Variants in TNRC18 observed in about 807,000 individuals in gnomAD.
TNRC18 encodes the protein trinucleotide repeat-containing gene 18 protein.
TNRC18 carries 69 observed loss-of-function variants against 226.7 expected under a neutral mutation model. The ratio of observed to expected loss-of-function variants is 0.30; its 90% CI spans 0.25 to 0.37. The LOEUF (loss-of-function observed/expected upper bound fraction) is 0.37, where lower values mean the gene tolerates loss of function less well. Among genes scored for constraint, TNRC18 ranks in the 10% least tolerant of loss-of-function variants. The probability of loss-of-function intolerance (pLI) is 1.00; values close to 1 mark genes in which losing one functional copy is unlikely to be tolerated. For synonymous variants in TNRC18, 2,449 were observed against 1,927.6 expected, an observed-to-expected ratio of 1.27 and a Z score of -7.09; for missense variants, 4,754 against 4,256.6, an observed-to-expected ratio of 1.12 and a Z score of -3.25.
chr7:5,319,880 G>T (rs1045370406), intron 24 of TNRC18, among the ~76,000 whole-genome samples: 1 of 152,132 alleles, frequency 6.6e-6, no homozygotes, highest in African/African-American at 2.4e-5. Flanking sequence ...CTCAGCCCAC[G>T]AATAAAAGGG....
Position 5,388,096 on chromosome 7 carries a change from G to C in TNRC18, c.1728C>G (p.Ala576=), listed in dbSNP as rs752018837. 1.3e-6 allele frequency: 2 copies of C among 1,553,362 alleles called. No individual in the cohort carries two copies. The highest frequency in any genetic ancestry group is 3.9e-5 in the Admixed American group (2 of 51,318). ...TGGCCGAGGCCTCTCCAGACCCGTGGGCCGCAGAGTGCATGTCAGCGACCG... is the reference window on the plus strand; with the variant it reads ...TGGCCGAGGCCTCTCCAGACCCGTGCGCCGCAGAGTGCATGTCAGCGACCG... ...GRPVADMHSA[A]HGSGEASAMQ... The change falls in exon 5 of 30, where the codon GCC becomes GCG. Residue 576 remains alanine (A), a synonymous_variant. Transcript: ENST00000430969.
At chr7:5,400,130 C>T (rs963127837) in intron 2 of TNRC18, among the ~76,000 whole-genome samples, 2 of 152,070 alleles carry the variant, frequency 1.3e-5, no homozygotes, top group African/African-American at 4.8e-5. Context: ...TTCCTGGGCT[C>T]AAGCGATCCT....
At chr7:5,396,886 C>G (rs1780726612) in intron 2 of TNRC18, among the ~76,000 whole-genome samples, 1 of 152,192 alleles carries the variant, frequency 6.6e-6, no homozygotes, top group Non-Finnish European at 1.5e-5. Context: ...CAATAAAGGG[C>G]CTGTATACAA....
chr7:5,383,052 G>T lies in TNRC18; in HGVS notation c.2152+4620C>A, dbSNP rs980911918. On this transcript the variant is annotated intron_variant, in intron 5 of 29. Coordinates refer to ENST00000430969, the MANE Select transcript of TNRC18 (RefSeq NM_001080495.3). ...GGGACTATAGATGCCACACCACTAT[G>T]CTCGGATGATTTATTTTTATTTTTA... 3.3e-5 allele frequency among the ~76,000 whole-genome samples: 5 copies of T among 151,054 alleles called. No homozygotes were observed. The East Asian group carries it at 9.7e-4, about 29-fold the overall frequency.
At chr7:5,339,190 C>T (rs1790419567) in intron 18 of TNRC18, among the ~76,000 whole-genome samples, 1 of 150,078 alleles carries the variant, frequency 6.7e-6, no homozygotes. Flanking sequence ...AGATGGGAAA[C>T]TTCACCAACA....
chr7:5,388,762 G>A lies in TNRC18; in HGVS notation c.1062C>T (p.Ala354=), dbSNP rs572521818. Residue 354 remains alanine, a synonymous_variant, in exon 5 of 30, where the codon GCC becomes GCT. Coordinates refer to ENST00000430969, the MANE Select transcript of TNRC18 (RefSeq NM_001080495.3). ...GCTCGCGGAAGACGGTGTAGACGCCGGCGGGGGTGGCCGCGGGGGGTGCAG... is the reference window on the plus strand; with the variant it reads ...GCTCGCGGAAGACGGTGTAGACGCCAGCGGGGGTGGCCGCGGGGGGTGCAG... ...GPPAPPAATP[A]GVYTVFREQG... 21 of 1,233,160 alleles carry A rather than the reference G, an allele frequency of 1.7e-5. No individual in the cohort carries two copies. The highest frequency in any genetic ancestry group is 6.5e-5 in the African/African-American group (4 of 61,924). 76.4% of individuals were successfully genotyped at this position (1,233,160 alleles called of 1,614,324 possible). A position where few individuals can be genotyped will look rare whatever the true frequency, so the allele number is the denominator to read the frequency against.
chr7:5,309,348 C>T lies in TNRC18; in HGVS notation c.8409G>A (p.Lys2803=), dbSNP rs1194433476. The T allele has an allele frequency of 5.6e-6, 9 of 1,613,168 alleles. No homozygotes were observed. Among genetic ancestry groups the T allele is most frequent in the Non-Finnish European group, 7.6e-6 (9 of 1,179,598 alleles). ...TGGCCTTGTAGAAGAGCTTGCGGGC[C>T]TTGCCCTTCATGCCACGCCGCTGCA... is the stretch of plus-strand genomic sequence containing the variant. The part of the protein sequence containing the change: ...KPTQRRGMKG[K]ARKLFYKAIV... Residue 2803 remains lysine, a synonymous_variant, in exon 28 of 30, where the codon AAG becomes AAA. Transcript: ENST00000430969. The surrounding 1 kb of genome is among the most constrained non-coding windows in gnomAD (Gnocchi z 5.7).
chr7:5,383,966 T>TTTTTG (rs1779578777), intron 5 of TNRC18, among the ~76,000 whole-genome samples: 1 of 140,804 alleles, frequency 7.1e-6, no homozygotes, highest in African/African-American at 2.7e-5. Flanking sequence ...GATTTTTTTT[T>TTTTTG]TTTTTTTTTT....
At chr7:5,327,889 C>T (rs1239451176) in intron 19 of TNRC18, among the ~76,000 whole-genome samples, 1 of 152,144 alleles carries the variant, frequency 6.6e-6, no homozygotes, top group African/African-American at 2.4e-5. Flanking sequence ...GGGTCAGTGG[C>T]AGGAGACAGG....
intron 2 of TNRC18, among the ~76,000 whole-genome samples, chr7:5,416,897 A>G (rs1292734096): frequency 1.3e-5 from 2 of 151,606 alleles, no homozygotes; most frequent in African/African-American, 2.4e-5. Context: ...ATGCCAAGGC[A>G]GGAGGAGCCC....
At chr7:5,385,494 CAAAAAAAAAA>C (rs60919833) in intron 5 of TNRC18, among the ~76,000 whole-genome samples, 5 of 88,098 alleles carry the variant, frequency 5.7e-5, no homozygotes, top group Admixed American at 1.4e-4. Flanking sequence ...GACTCCGTCT[CAAAAAAAAAA>C]AAAAAAAAAA....
intron 17 of TNRC18, among the ~76,000 whole-genome samples, chr7:5,350,899 G>A (rs1163109588): frequency 6.6e-6 from 1 of 152,182 alleles, no homozygotes; most frequent in African/African-American, 2.4e-5. Context: ...ACAGAGACCA[G>A]GGGTGTCAAA....
intron 2 of TNRC18, among the ~76,000 whole-genome samples, chr7:5,409,276 A>C (rs1781686634): frequency 6.6e-6 from 1 of 152,174 alleles, no homozygotes; most frequent in Non-Finnish European, 1.5e-5. Context: ...TGAAAGAAGA[A>C]AACGCCAGGG....
intron 8 of TNRC18, 74 bp downstream of exon 8, chr7:5,376,773 C>A (rs1189836819): frequency 1.9e-6 from 3 of 1,548,554 alleles, no homozygotes; most frequent in East Asian, 2.4e-5. Flanking sequence ...CAGCAGGAAG[C>A]CCTTGGCATC....
rs1376614676 is a variant in TNRC18 at position 5,324,195 on chromosome 7, T to G, written c.6442+19A>C. The stretch of plus-strand genomic sequence containing the variant: ...CTCCAGCAGCCCCGCCCGGCACATG[T>G]GGCATCACGGCCACTCACCCGGGGT... On this transcript the variant is annotated intron_variant, in intron 21 of 29. Transcript: ENST00000430969. The surrounding 1 kb of genome is among the most constrained non-coding windows in gnomAD (Gnocchi z 4.8). 1.9e-6 allele frequency: 3 copies of G among 1,585,416 alleles called. No individual in the cohort carries two copies. Among genetic ancestry groups the G allele is most frequent in the Admixed American group, 1.8e-5 (1 of 56,698 alleles).
At chr7:5,352,881 G>T (rs532982368) in intron 16 of TNRC18, among the ~76,000 whole-genome samples, 4 of 152,262 alleles carry the variant, frequency 2.6e-5, no homozygotes, top group Non-Finnish European at 5.9e-5. Flanking sequence ...CAGAGACAGA[G>T]AATAATCCCC....
chr7:5,364,461 AAACACACAC>A (rs1442951259), intron 11 of TNRC18, among the ~76,000 whole-genome samples: 10,779 of 124,878 alleles, frequency 0.086, 497 homozygotes, highest in Non-Finnish European at 0.095. Context: ...GTCTCAAAGA[AAACACACAC>A]ACACACACAC....
chr7:5,343,996 T>G (rs543528719), intron 18 of TNRC18, among the ~76,000 whole-genome samples: 1 of 152,150 alleles, frequency 6.6e-6, no homozygotes, highest in Non-Finnish European at 1.5e-5. Flanking sequence ...CTAGCCAGAC[T>G]GGCCAAGAAA....
At position 5,333,014 on chromosome 7, in the gene TNRC18, C is replaced by G. The variant is rs753303264; in HGVS notation, c.5755G>C (p.Val1919Leu). 9.5e-6 allele frequency: 15 copies of G among 1,579,460 alleles called. No homozygotes were observed. The highest frequency in any genetic ancestry group is 5.2e-5 in the Admixed American group (3 of 57,670). The change falls in exon 19 of 30, where the codon GTC becomes CTC. Residue 1919 changes from valine (V) to leucine (L), a missense_variant. Transcript: ENST00000430969. ...EFEYTDSESE[V>L]KVRKRSPAGL... ...GCAGGCGACCGCTTGCGCACCTTGA[C>G]CTCGCTCTCTGAGTCGGTGTACTCG...
Sources: gnomAD v4.1 joint callset for allele counts (sites outside exome capture counted in the v4.1 genomes callset) on GRCh38, gnomAD v4.1.1 for gene constraint, Gnocchi (gnomAD v3.1) non-coding constraint, MANE v1.5 for transcripts, NCBI Gene and HGNC (gene_info 2026-07-23, HGNC 2026-07-21) for gene names.